CGNL1: variants seen among roughly 807,000 people sequenced by gnomAD.
The protein encoded by CGNL1 is cingulin like 1.
In CGNL1, 132 loss-of-function variants were observed where a neutral mutation model predicts 141.2. That is an observed-to-expected ratio of 0.93 (90% CI 0.81 to 1.08). The LOEUF is 1.08. Among genes scored for constraint, CGNL1 ranks in the 50% least tolerant of loss-of-function variants. CGNL1 has a pLI of 0.00. For missense variants in CGNL1, 1,870 were observed against 1,588.6 expected, an observed-to-expected ratio of 1.18 and a Z score of -3.01; for synonymous variants, 690 against 622.1, an observed-to-expected ratio of 1.11 and a Z score of -1.63.
chr15:57,512,856 A>G (rs1375772093), intron 8 of CGNL1, among the ~76,000 whole-genome samples: 3 of 151,164 alleles, frequency 2.0e-5, no homozygotes, highest in East Asian at 3.9e-4. Context: ...CCTCTCTAAC[A>G]CCTCAGCAAA....
At chr15:57,433,375 A>G (rs1231462064) in intron 1 of CGNL1, among the ~76,000 whole-genome samples, 3 of 152,176 alleles carry the variant, frequency 2.0e-5, no homozygotes, top group Non-Finnish European at 4.4e-5. Flanking sequence ...ATTCCACTCA[A>G]ATGGTAGTAA....
At chr15:57,391,281 C>T (rs895365747) in intron 1 of CGNL1, among the ~76,000 whole-genome samples, 1 of 152,202 alleles carries the variant, frequency 6.6e-6, no homozygotes, top group Non-Finnish European at 1.5e-5. Context: ...CCATGTGAGC[C>T]TCGTGCCCAT....
chr15:57,522,715 A>G (rs1302666488), intron 10 of CGNL1, among the ~76,000 whole-genome samples: 1 of 152,258 alleles, frequency 6.6e-6, no homozygotes, highest in Non-Finnish European at 1.5e-5. Context: ...CATAAAGAAC[A>G]TAAGTCTGTG....
chr15:57,509,271 C>T (rs2030004867), intron 8 of CGNL1, among the ~76,000 whole-genome samples: 1 of 152,246 alleles, frequency 6.6e-6, no homozygotes, highest in African/African-American at 2.4e-5. Context: ...ATGGAACTGA[C>T]ACCAACATTC....
chr15:57,461,591 C>A, intron 7 of CGNL1, 89 bp from the exon 8 acceptor site: 1 of 1,068,398 alleles, frequency 9.4e-7, no homozygotes, highest in Non-Finnish European at 1.4e-6. Flanking sequence ...GATGGCTGTG[C>A]ACATGGGGAC....
intron 13 of CGNL1, among the ~76,000 whole-genome samples, chr15:57,529,280 T>C (rs2031808715): frequency 6.6e-6 from 1 of 152,216 alleles, no homozygotes. Context: ...TTAGAGGTTA[T>C]TGGGCTTTGC....
At chr15:57,507,411 T>G (rs1448161636) in intron 8 of CGNL1, among the ~76,000 whole-genome samples, 1 of 152,230 alleles carries the variant, frequency 6.6e-6, no homozygotes, top group African/African-American at 2.4e-5. Context: ...AGAGTGAATC[T>G]TAACTAGTTT....
intron 4 of CGNL1, among the ~76,000 whole-genome samples, chr15:57,443,899 T>C (rs147576005): frequency 1.7e-3 from 264 of 152,362 alleles, no homozygotes; most frequent in Non-Finnish European, 5.9e-4. Context: ...GGGCTTTGGG[T>C]ATAACTTAGC....
At chr15:57,502,442 A>G (rs1383128601) in intron 8 of CGNL1, among the ~76,000 whole-genome samples, 1 of 152,192 alleles carries the variant, frequency 6.6e-6, no homozygotes, top group African/African-American at 2.4e-5. Flanking sequence ...AGTGTTAGAA[A>G]TTCAAATTAG....
At chr15:57,528,611 T>C in intron 12 of CGNL1, 43 bp from the exon 13 acceptor site, 1 of 1,607,404 alleles carries the variant, frequency 6.2e-7, no homozygotes, top group Non-Finnish European at 8.5e-7. Context: ...CTCTATGCTC[T>C]TGATGCACCC....
chr15:57,422,894 C>T (rs775991625), intron 1 of CGNL1, among the ~76,000 whole-genome samples: 23 of 152,156 alleles, frequency 1.5e-4, no homozygotes, highest in Non-Finnish European at 2.9e-4. Context: ...TTGAAAGTGA[C>T]TCATCTAAGG....
chr15:57,438,856 C>T lies in CGNL1; in HGVS notation c.857C>T (p.Pro286Leu). 1 of 1,614,218 alleles carries T rather than the reference C, an allele frequency of 6.2e-7. No individual in the cohort carries two copies. Among genetic ancestry groups the T allele is most frequent in the Non-Finnish European group, 8.5e-7 (1 of 1,180,038 alleles). Reference protein sequence around the residue: ...LPFRRQDSAGPVLDGARSRRS... With the variant: ...LPFRRQDSAGLVLDGARSRRS... Reference sequence around the variant, plus strand: ...TTCCGGCGACAGGATTCAGCGGGACCCGTCCTGGATGGAGCTCGGTCCCGG... The same window carrying T: ...TTCCGGCGACAGGATTCAGCGGGACTCGTCCTGGATGGAGCTCGGTCCCGG... Residue 286 changes from proline (P) to leucine (L), a missense_variant, in exon 2 of 19, where the codon CCC becomes CTC. Transcript: ENST00000281282.
rs144189965 is a variant in CGNL1, at chr15:57,430,627, CA to C, written c.-15-7357del. 6.3e-3 allele frequency among the ~76,000 whole-genome samples: 964 copies of C among 152,106 alleles called. 13 individuals carry two copies. Among genetic ancestry groups the C allele is most frequent in the African/African-American group, 0.022 (893 of 41,520 alleles). The stretch of plus-strand genomic sequence containing the variant: ...CAGGGAAACGAGGCGGGTAGACTTC[CA>C]GGGGGAAGTGGGGGCTTCTTGGGGG... On this transcript the variant is annotated intron_variant, in intron 1 of 18. Coordinates refer to ENST00000281282, the MANE Select transcript of CGNL1 (RefSeq NM_032866.5).
In CGNL1 at chr15:57,452,249, C is replaced by G; in HGVS notation, c.2014C>G (p.Leu672Val). The G allele has an allele frequency of 6.2e-7, 1 of 1,613,948 alleles. No individual in the cohort carries two copies. Among genetic ancestry groups the G allele is most frequent in the East Asian group, 2.2e-5 (1 of 44,856 alleles). ...GGAGAACTCCACATTGCAGCAACGACTGGAAGAAAGTGAAGGGGAGCTCCG... is the reference window on the plus strand; with the variant it reads ...GGAGAACTCCACATTGCAGCAACGAGTGGAAGAAAGTGAAGGGGAGCTCCG... ...VEENSTLQQR[L>V]EESEGELRKN... Residue 672 changes from leucine (L) to valine (V), a missense_variant, in exon 6 of 19, where the codon CTG becomes GTG. Leu to Val is a conservative substitution (Grantham distance 32). Coordinates refer to ENST00000281282, the MANE Select transcript of CGNL1 (RefSeq NM_032866.5).
intron 8 of CGNL1, among the ~76,000 whole-genome samples, chr15:57,512,303 A>T (rs2030382008): frequency 6.6e-6 from 1 of 152,184 alleles, no homozygotes; most frequent in Admixed American, 6.5e-5. Context: ...TGATTCCATT[A>T]CTACTGCAAG....
intron 1 of CGNL1, among the ~76,000 whole-genome samples, chr15:57,404,428 A>G (rs16977473): frequency 0.028 from 4,211 of 152,364 alleles, 170 homozygotes; most frequent in Admixed American, 0.1. Context: ...AACCTGTCAC[A>G]GATTTTCTGA....
chr15:57,482,218 TAAAACAAAAC>T (rs549131683), intron 8 of CGNL1, among the ~76,000 whole-genome samples: 6 of 152,268 alleles, frequency 3.9e-5, no homozygotes, highest in Admixed American at 6.5e-5. Flanking sequence ...CAATCTCTAG[TAAAACAAAAC>T]AAAACAAAAC....
intron 17 of CGNL1, among the ~76,000 whole-genome samples, 153 bp from the exon 18 acceptor site, chr15:57,545,923 T>C (rs1331091689): frequency 6.6e-6 from 1 of 152,178 alleles, no homozygotes; most frequent in Non-Finnish European, 1.5e-5. Flanking sequence ...AGTCACCCTG[T>C]CTTAGTGCCT....
At chr15:57,537,510 C>A (rs77451328) in intron 14 of CGNL1, among the ~76,000 whole-genome samples, 1 of 151,988 alleles carries the variant, frequency 6.6e-6, no homozygotes, top group Admixed American at 6.6e-5. Context: ...GCTCAAAAAC[C>A]CAGTGTGTAC....
Sources: allele counts gnomAD v4.1 joint callset (sites outside exome capture counted in the v4.1 genomes callset), GRCh38; gene constraint gnomAD v4.1.1; transcripts MANE v1.5; gene names NCBI Gene and HGNC (gene_info 2026-07-23, HGNC 2026-07-21).